The following SRGAP3 variants were observed in gnomAD, a reference collection of about 807,000 sequenced individuals.
SRGAP3 encodes the protein SLIT-ROBO Rho GTPase-activating protein 3.
Under a neutral mutation model 121.1 loss-of-function variants are expected in SRGAP3, and 39 were observed. The ratio of observed to expected loss-of-function variants is 0.32; its 90% confidence interval spans 0.25 to 0.42. SRGAP3 has a LOEUF of 0.42. Ranked by LOEUF, SRGAP3 falls within the 10% of genes least tolerant of loss-of-function variation. The pLI is 1.00. For missense variants in SRGAP3, 1,213 were observed against 1,470.6 expected, an observed-to-expected ratio of 0.82 and a Z score of 2.86; for synonymous variants, 601 against 570.0, an observed-to-expected ratio of 1.05 and a Z score of -0.77.
chr3:9,037,739 C>A (rs1944822255), intron 11 of SRGAP3: 2 of 437,266 alleles, frequency 4.6e-6, no homozygotes, highest in Admixed American at 7.4e-5. Flanking sequence ...AGCCTCTGGC[C>A]CCTACAGGCT....
chr3:9,169,453 G>A (rs1950900153), intron 1 of SRGAP3, among the ~76,000 whole-genome samples: 1 of 152,156 alleles, frequency 6.6e-6, no homozygotes, highest in African/African-American at 2.4e-5. Context: ...GGGCGTGGGA[G>A]GAAGACTATT....
intron 1 of SRGAP3, among the ~76,000 whole-genome samples, chr3:9,184,974 A>T (rs1560370213): frequency 6.6e-6 from 1 of 152,132 alleles, no homozygotes; most frequent in East Asian, 1.9e-4. Context: ...TGTATTGGTC[A>T]TCTCCCTAGT....
intron 9 of SRGAP3, among the ~76,000 whole-genome samples, chr3:9,051,357 T>C (rs539631214): frequency 6.6e-6 from 1 of 152,296 alleles, no homozygotes; most frequent in Non-Finnish European, 1.5e-5. Flanking sequence ...GGCCTTGGTA[T>C]ACCCATTAGT....
chr3:9,283,323 A>G lies in SRGAP3; in HGVS notation n.442+42687T>C, dbSNP rs572925816. 2.6e-5 allele frequency among the ~76,000 whole-genome samples: 4 copies of G among 152,296 alleles called. No individual in the cohort carries two copies. In the South Asian group the frequency reaches 8.3e-4, roughly 32 times the overall value. On this transcript the variant is annotated intron_variant and non_coding_transcript_variant, in intron 3 of 3. Transcript: ENST00000490889. ...TCATACTCCGTTAACATTAAAATCT[A>G]TTGGCCTATCATGTACTTTGAATGG...
At position 9,348,540 on chromosome 3, in the gene SRGAP3, C is replaced by T. The variant is rs760221738; in HGVS notation, n.214+14300G>A. On this transcript the variant is annotated intron_variant and non_coding_transcript_variant, in intron 1 of 3. Coordinates refer to the SRGAP3 transcript ENST00000490889. ...TGGTACAACACCGACCTGAGCCCAG[C>T]GGGCCATAAGGAGGCGAAGTGTGGC... 253 of 763,176 alleles carry T rather than the reference C, an allele frequency of 3.3e-4. 3 individuals are homozygous for T. The highest frequency in any genetic ancestry group is 3.3e-3 in the Middle Eastern group (9 of 2,716). The allele number at this position is 763,176 out of a possible 1,614,324, so 47.3% of individuals were successfully genotyped here.
intron 1 of SRGAP3, among the ~76,000 whole-genome samples, chr3:9,172,897 C>T (rs971644617): frequency 3.3e-5 from 5 of 152,130 alleles, no homozygotes; most frequent in East Asian, 1.9e-4. Context: ...ATGTCTAGTG[C>T]GGTAGATGAG....
intron 1 of SRGAP3, among the ~76,000 whole-genome samples, chr3:9,178,042 C>G (rs1317050105): frequency 6.6e-6 from 1 of 152,014 alleles, no homozygotes; most frequent in Non-Finnish European, 1.5e-5. Context: ...CCAAGATGGG[C>G]AGATTGCTTG....
At chr3:9,126,036 T>G (rs1949212911) in intron 1 of SRGAP3, among the ~76,000 whole-genome samples, 1 of 152,168 alleles carries the variant, frequency 6.6e-6, no homozygotes, top group African/African-American at 2.4e-5. Context: ...TTCAGCATCC[T>G]TCAGAGAAGT....
At chr3:9,102,419 C>A (rs1401185987) in intron 3 of SRGAP3, among the ~76,000 whole-genome samples, 1 of 152,212 alleles carries the variant, frequency 6.6e-6, no homozygotes, top group Admixed American at 6.5e-5. Flanking sequence ...GCAACCAAGT[C>A]TGGGTTCTCC....
intron 2 of SRGAP3, among the ~76,000 whole-genome samples, chr3:9,116,504 G>A (rs1228519767): frequency 6.6e-6 from 1 of 152,196 alleles, no homozygotes; most frequent in African/African-American, 2.4e-5. Flanking sequence ...TCTGATGCAA[G>A]CCCCACACAA....
chr3:9,325,156 G>A (rs1374086307), intron 3 of SRGAP3, among the ~76,000 whole-genome samples: 2 of 151,736 alleles, frequency 1.3e-5, no homozygotes, highest in Non-Finnish European at 2.9e-5. Flanking sequence ...ACTACTTGAC[G>A]TTCTAGAGAT....
rs754715058 is a variant in SRGAP3 at position 9,060,234 on chromosome 3, G to A, written c.798C>T (p.Ile266=). Residue 266 remains isoleucine (I), a synonymous_variant, in exon 6 of 22, where the codon ATC becomes ATT. Coordinates refer to ENST00000383836, the MANE Select transcript of SRGAP3 (RefSeq NM_014850.4). The part of the protein sequence containing the change: ...KYYIHDVSDL[I]DCCDLGFHAS... ...CCAGACTCCCCAGGGAGCTCACATC[G>A]ATCAGATCAGAGACATCATGGATGT... 9 of 1,613,898 alleles carry A rather than the reference G, an allele frequency of 5.6e-6. No homozygotes were observed. Among genetic ancestry groups the A allele is most frequent in the South Asian group, 4.4e-5 (4 of 91,056 alleles).
chr3:9,154,996 T>A (rs370291578), intron 1 of SRGAP3, among the ~76,000 whole-genome samples: 25 of 144,936 alleles, frequency 1.7e-4, no homozygotes, highest in Admixed American at 8.2e-4. Context: ...TTTATGTTTT[T>A]TGTTTTTTGT....
At chr3:9,353,389 C>T (rs1195431694) in intron 1 of SRGAP3, among the ~76,000 whole-genome samples, 5 of 152,256 alleles carry the variant, frequency 3.3e-5, no homozygotes, top group African/African-American at 1.2e-4. Context: ...CAGCTCATGA[C>T]CTTCTTCCAG....
At chr3:9,163,986 C>CTTTTTTTT (rs767652463) in intron 1 of SRGAP3, among the ~76,000 whole-genome samples, 3 of 83,316 alleles carry the variant, frequency 3.6e-5, no homozygotes, top group Admixed American at 1.3e-4. Flanking sequence ...AACTACTATT[C>CTTTTTTTT]TTTTTTTTTT....
At chr3:9,162,159 G>C (rs1405353318) in intron 1 of SRGAP3, among the ~76,000 whole-genome samples, 1 of 152,178 alleles carries the variant, frequency 6.6e-6, no homozygotes, top group African/African-American at 2.4e-5. Flanking sequence ...CAGGGACTGA[G>C]AGAAATGGGG....
intron 3 of SRGAP3, among the ~76,000 whole-genome samples, chr3:9,305,363 CTTTTT>C (rs1210901472): frequency 2.1e-5 from 2 of 96,732 alleles, no homozygotes; most frequent in Admixed American, 1.0e-4. Context: ...GAGGTCCTCT[CTTTTT>C]TTTTTTTTTT....
At chr3:9,082,791 C>A (rs1046556985) in intron 3 of SRGAP3, among the ~76,000 whole-genome samples, 1 of 152,186 alleles carries the variant, frequency 6.6e-6, no homozygotes, top group Non-Finnish European at 1.5e-5. Flanking sequence ...CTCATGAAGG[C>A]TTAATATCAG....
At chr3:9,176,068 C>T (rs868768276) in intron 1 of SRGAP3, among the ~76,000 whole-genome samples, 1 of 152,100 alleles carries the variant, frequency 6.6e-6, no homozygotes, top group Non-Finnish European at 1.5e-5. Flanking sequence ...ACTACAGGCA[C>T]GTGCCACCAT....
Sources: allele counts gnomAD v4.1 joint callset (sites outside exome capture counted in the v4.1 genomes callset), GRCh38; gene constraint gnomAD v4.1.1; transcripts MANE v1.5; gene names NCBI Gene and HGNC (gene_info 2026-07-23, HGNC 2026-07-21).